The following FRY variants were observed in gnomAD, a reference collection of about 807,000 sequenced individuals.
FRY encodes FRY microtubule binding protein, also known as protein furry homolog.
In FRY, 128 loss-of-function variants were observed where a neutral mutation model predicts 348.4. The observed-to-expected ratio is 0.37, with a 90% CI of 0.32 to 0.43. The LOEUF (loss-of-function observed/expected upper bound fraction) is 0.43. FRY is among the 20% of genes least tolerant of loss of function. The probability of loss-of-function intolerance (pLI) is 1.00; values close to 1 mark genes in which losing one functional copy is unlikely to be tolerated. For missense variants in FRY, 2,736 were observed against 3,695.2 expected, an observed-to-expected ratio of 0.74 and a Z score of 6.73; for synonymous variants, 1,370 against 1,374.7, an observed-to-expected ratio of 1.00 and a Z score of 0.08.
chr13:32,249,165 G>C (rs1455652169), intron 48 of FRY, among the ~76,000 whole-genome samples: 1 of 152,238 alleles, frequency 6.6e-6, no homozygotes, highest in East Asian at 1.9e-4. Flanking sequence ...AAAGTTGGGA[G>C]AGGGAAAGGA....
At chr13:32,190,367 T>G (rs1210071178) in intron 28 of FRY, among the ~76,000 whole-genome samples, 3 of 151,976 alleles carry the variant, frequency 2.0e-5, no homozygotes, top group Non-Finnish European at 4.4e-5. Context: ...AAAACATAAA[T>G]AAAACTCATT....
chr13:32,087,980 A>C (rs1247757648), intron 2 of FRY, among the ~76,000 whole-genome samples: 1 of 152,218 alleles, frequency 6.6e-6, no homozygotes, highest in Admixed American at 6.5e-5. Context: ...ATAATATTTT[A>C]TCATGCCCAT....
intron 38 of FRY, 84 bp downstream of exon 38, chr13:32,225,120 C>G (rs1341685309): frequency 6.0e-6 from 5 of 827,736 alleles, no homozygotes; most frequent in Non-Finnish European, 1.1e-5. Context: ...TTCACATTGA[C>G]ATCCTGTTTG....
At chr13:32,284,452 C>G (rs534806046) in intron 58 of FRY, among the ~76,000 whole-genome samples, 8 of 152,164 alleles carry the variant, frequency 5.3e-5, no homozygotes, top group Non-Finnish European at 1.2e-4. Flanking sequence ...TCAGTCTTTC[C>G]TCTGTAAGCC....
At position 32,295,464 on chromosome 13, in the gene FRY, G is replaced by A; in HGVS notation, c.*4G>A. ...TGTTTCTGGCACTAGTCTCTGACAG[G>A]AGCCTCCTGTCCCCACTGGGTTCCA... On this transcript the variant is annotated 3_prime_UTR_variant, in exon 61 of 61. Transcript: ENST00000542859. 1.9e-6 allele frequency: 3 copies of A among 1,609,504 alleles called. No individual in the cohort carries two copies. The highest frequency in any genetic ancestry group is 2.2e-5 in the East Asian group (1 of 44,874).
chr13:32,259,114 C>A (rs1887492087), intron 51 of FRY, among the ~76,000 whole-genome samples: 1 of 152,214 alleles, frequency 6.6e-6, no homozygotes, highest in South Asian at 2.1e-4. Context: ...TCTGCATTTT[C>A]TCACATGTAG....
In FRY at chr13:32,201,992, C is replaced by T; in HGVS notation, c.3798C>T (p.Ala1266=). ...TGTTAAACCTTGTTCTATTCAAGGCCTCTGACACCAACAGAGAGATTTATG... is the reference window on the plus strand; with the variant it reads ...TGTTAAACCTTGTTCTATTCAAGGCTTCTGACACCAACAGAGAGATTTATG... The part of the protein sequence containing the change: ...VTLLNLVLFK[A]SDTNREIYEI... The change falls in exon 30 of 61, where the codon GCC becomes GCT. Residue 1266 remains alanine (A), a synonymous_variant. Coordinates refer to ENST00000542859, the MANE Select transcript of FRY (RefSeq NM_023037.3). The T allele has an allele frequency of 6.2e-7, 1 of 1,608,144 alleles. No homozygotes were observed. The highest frequency in any genetic ancestry group is 1.7e-4 in the Middle Eastern group (1 of 6,058).
chr13:32,056,941 A>C (rs1873660921), intron 1 of FRY, among the ~76,000 whole-genome samples: 3 of 152,146 alleles, frequency 2.0e-5, no homozygotes, highest in South Asian at 2.1e-4. Context: ...TGAAAAAAAT[A>C]AGAATCATCA....
intron 1 of FRY, among the ~76,000 whole-genome samples, chr13:32,077,284 C>A (rs1461831988): frequency 6.6e-6 from 1 of 152,038 alleles, no homozygotes; most frequent in Non-Finnish European, 1.5e-5. Context: ...ATGATTAAAG[C>A]CATGCAAAAG....
At position 32,261,596 on chromosome 13, in the gene FRY, G is replaced by T. The variant is rs372796695; in HGVS notation, c.7417-20G>T. Reference sequence around the variant, plus strand: ...CAAGAGGATTTTGGCATAAAAAACCGGCTGATGGTGTGATTTCAGGGTGAG... The same window carrying T: ...CAAGAGGATTTTGGCATAAAAAACCTGCTGATGGTGTGATTTCAGGGTGAG... On this transcript the variant is annotated intron_variant, in intron 51 of 60. Coordinates refer to ENST00000542859, the MANE Select transcript of FRY (RefSeq NM_023037.3). 1 of 1,610,136 alleles carries T rather than the reference G, an allele frequency of 6.2e-7. No individual in the cohort carries two copies. Among genetic ancestry groups the T allele is most frequent in the Non-Finnish European group, 8.5e-7 (1 of 1,176,358 alleles).
chr13:32,226,106 G>T, intron 39 of FRY, 132 bp downstream of exon 39: 1 of 736,808 alleles, frequency 1.4e-6, no homozygotes, highest in Admixed American at 2.1e-5. Flanking sequence ...TAAATCAACA[G>T]TACAATAAAT....
In FRY at chr13:32,278,321, C is replaced by T. The variant is rs78210359; in HGVS notation, c.8386-144C>T. The T allele has an allele frequency of 3.8e-4, 252 of 658,966 alleles. 3 individuals carry two copies. The African/African-American group carries it at 4.0e-3, about 10-fold the overall frequency. The allele number at this position is 658,966 out of a possible 1,614,324, so 40.8% of individuals were successfully genotyped here. A position where few individuals can be genotyped will look rare whatever the true frequency, so the allele number is the denominator to read the frequency against. On this transcript the variant is annotated intron_variant, in intron 57 of 60. Transcript: ENST00000542859. ...ACAGTTCATCTTTAACCCCCAAATACGACCCTTTTCAAAAAGTCATTACAG... is the reference window on the plus strand; with the variant it reads ...ACAGTTCATCTTTAACCCCCAAATATGACCCTTTTCAAAAAGTCATTACAG...
chr13:32,208,124 AC>A lies in FRY; in HGVS notation c.4019-728del, dbSNP rs1386319504. Reference sequence around the variant, plus strand: ...ACCTAGGGCTTCACTGTTTGGACTCACGTGTCTCACAGGGGACACACAGCCC... The same window carrying A: ...ACCTAGGGCTTCACTGTTTGGACTCAGTGTCTCACAGGGGACACACAGCCC... On this transcript the variant is annotated intron_variant, in intron 31 of 60. Coordinates refer to ENST00000542859, the MANE Select transcript of FRY (RefSeq NM_023037.3). 5.6e-4 allele frequency among the ~76,000 whole-genome samples: 85 copies of A among 152,378 alleles called. 1 individual carries two copies. Among genetic ancestry groups the A allele is most frequent in the African/African-American group, 2.0e-3 (83 of 41,596 alleles).
chr13:32,166,952 G>A (rs1454198338), intron 17 of FRY, among the ~76,000 whole-genome samples: 1 of 152,116 alleles, frequency 6.6e-6, no homozygotes, highest in Non-Finnish European at 1.5e-5. Context: ...GTCATTTTAA[G>A]AGACATGGCC....
chr13:32,183,776 C>CAA (rs10706504), intron 24 of FRY, among the ~76,000 whole-genome samples: 44 of 78,066 alleles, frequency 5.6e-4, no homozygotes, highest in African/African-American at 1.2e-3. Flanking sequence ...ACTCTGTCTC[C>CAA]AAAAAAAAAA....
At chr13:32,167,478 A>G (rs1881804114) in intron 17 of FRY, among the ~76,000 whole-genome samples, 1 of 152,180 alleles carries the variant, frequency 6.6e-6, no homozygotes, top group Admixed American at 6.5e-5. Flanking sequence ...TTGTCTGTCT[A>G]CAAAAGTGCC....
intron 1 of FRY, among the ~76,000 whole-genome samples, chr13:32,063,468 A>G (rs754108878): frequency 5.3e-5 from 8 of 151,776 alleles, no homozygotes; most frequent in Non-Finnish European, 1.0e-4. Flanking sequence ...CACAGTAAGA[A>G]CCACACTTTG....
intron 43 of FRY, 142 bp downstream of exon 43, chr13:32,236,314 T>C (rs766317001): frequency 1.5e-6 from 1 of 649,532 alleles, no homozygotes; most frequent in Non-Finnish European, 2.7e-6. Context: ...TGTAATACTT[T>C]CTTAAGTTAA....
intron 3 of FRY, among the ~76,000 whole-genome samples, chr13:32,112,049 AAACT>A (rs1375989866): frequency 5.9e-5 from 9 of 152,226 alleles, no homozygotes; most frequent in African/African-American, 2.2e-4. Flanking sequence ...ATGGGAACAC[AAACT>A]AAGTTGCAAG....
Sources: allele counts gnomAD v4.1 joint callset (sites outside exome capture counted in the v4.1 genomes callset), GRCh38; gene constraint gnomAD v4.1.1; transcripts MANE v1.5; gene names NCBI Gene and HGNC (gene_info 2026-07-23, HGNC 2026-07-21).